Variants in SLC22A2 observed in about 807,000 individuals in gnomAD.
The protein encoded by SLC22A2 is organic cation transporter 2.
Under a neutral mutation model 60.5 loss-of-function variants are expected in SLC22A2, and 46 were observed. The observed-to-expected ratio is 0.76, with a 90% CI of 0.60 to 0.97. The LOEUF (loss-of-function observed/expected upper bound fraction) is 0.97. Ranked by LOEUF, SLC22A2 falls within the 50% of genes least tolerant of loss-of-function variation. SLC22A2 has a pLI of 0.00. For missense variants in SLC22A2, 701 were observed against 706.6 expected, an observed-to-expected ratio of 0.99 and a Z score of 0.09; for synonymous variants, 303 against 267.0, an observed-to-expected ratio of 1.13 and a Z score of -1.31.
intron 9 of SLC22A2, among the ~76,000 whole-genome samples, chr6:160,229,742 T>C (rs1434768787): frequency 2.0e-5 from 3 of 151,598 alleles, no homozygotes; most frequent in African/African-American, 7.3e-5. Flanking sequence ...TCCTCCTTCT[T>C]CTCCCTTAGC....
chr6:160,231,861 T>C (rs905296609), intron 9 of SLC22A2, among the ~76,000 whole-genome samples: 3 of 151,900 alleles, frequency 2.0e-5, no homozygotes, highest in Admixed American at 2.0e-4. Flanking sequence ...CCCTTTTCAT[T>C]ACATACAGCT....
chr6:160,241,443 T>C, intron 9 of SLC22A2, 31 bp downstream of exon 9: 2 of 1,438,980 alleles, frequency 1.4e-6, no homozygotes, highest in East Asian at 2.3e-5. Flanking sequence ...AAATAAGTTT[T>C]CACTTAAAGA....
chr6:160,251,624 C>G (rs961047687), intron 2 of SLC22A2, among the ~76,000 whole-genome samples: 1 of 152,158 alleles, frequency 6.6e-6, no homozygotes, highest in Non-Finnish European at 1.5e-5. Context: ...AAAAGACACC[C>G]TAATCCACTT....
At chr6:160,253,199 T>A (rs1167442724) in intron 2 of SLC22A2, among the ~76,000 whole-genome samples, 2 of 152,222 alleles carry the variant, frequency 1.3e-5, no homozygotes, top group Non-Finnish European at 2.9e-5. Context: ...ATAGGCAGTG[T>A]GCCTGGAATA....
At chr6:160,257,766 T>G (rs562490440) in intron 1 of SLC22A2, 1 of 152,310 alleles carries the variant, frequency 6.6e-6, no homozygotes, top group African/African-American at 2.4e-5. Flanking sequence ...TCTATTATAT[T>G]TATTGGAATC....
chr6:160,257,571 G>C (rs1225880163), intron 1 of SLC22A2, among the ~76,000 whole-genome samples: 1 of 152,042 alleles, frequency 6.6e-6, no homozygotes, highest in Non-Finnish European at 1.5e-5. Context: ...GTAAATATCT[G>C]ACCACTTTAG....
intron 9 of SLC22A2, among the ~76,000 whole-genome samples, chr6:160,233,787 C>T (rs1405013472): frequency 6.6e-6 from 1 of 151,828 alleles, no homozygotes; most frequent in African/African-American, 2.4e-5. Context: ...TCCCACGCTG[C>T]CCCTAATTCC....
intron 4 of SLC22A2, among the ~76,000 whole-genome samples, chr6:160,248,104 C>A (rs567330118): frequency 1.3e-5 from 2 of 152,304 alleles, no homozygotes; most frequent in Admixed American, 6.5e-5. Flanking sequence ...TTTCTGTCCC[C>A]GCTGAAGCGC....
At chr6:160,255,295 T>G (rs1783251811) in intron 2 of SLC22A2, among the ~76,000 whole-genome samples, 3 of 152,244 alleles carry the variant, frequency 2.0e-5, no homozygotes, top group African/African-American at 7.2e-5. Flanking sequence ...CCCTCTTCCC[T>G]TCTGCTGCCA....
intron 9 of SLC22A2, among the ~76,000 whole-genome samples, chr6:160,229,505 G>A (rs1028302208): frequency 4.0e-5 from 6 of 151,776 alleles, no homozygotes; most frequent in Admixed American, 2.0e-4. Context: ...AGTGAATTGC[G>A]GGGGCGCCTG....
At chr6:160,219,102 CAGA>C (rs1782598352) in intron 10 of SLC22A2, among the ~76,000 whole-genome samples, 6 of 3,124 alleles carry the variant, frequency 1.9e-3, no homozygotes, top group Non-Finnish European at 3.9e-3. Context: ...ATAACAGCAA[CAGA>C]AGCAATAACA....
chr6:160,231,083 C>T (rs1475467091), intron 9 of SLC22A2, among the ~76,000 whole-genome samples: 1 of 151,888 alleles, frequency 6.6e-6, no homozygotes, highest in Admixed American at 6.5e-5. Flanking sequence ...AGGCTACCCA[C>T]TCCACATTAC....
At position 160,241,529 on chromosome 6, in the gene SLC22A2, T is replaced by C; in HGVS notation, c.1446A>G (p.Pro482=). ...SMCDIGGIIT[P]FLVYRLTNIW... ...TGTTAGTGAGCCGGTAGACCAGGAA[T>C]GGCGTGATGATGCCACCAATGTCAC... Residue 482 remains proline (P), a synonymous_variant, in exon 9 of 11, where the codon CCA becomes CCG. Coordinates refer to ENST00000366953, the MANE Select transcript of SLC22A2 (RefSeq NM_003058.4). The C allele has an allele frequency of 6.2e-7, 1 of 1,613,816 alleles. No individual in the cohort carries two copies. Among genetic ancestry groups the C allele is most frequent in the Non-Finnish European group, 8.5e-7 (1 of 1,179,800 alleles).
intron 3 of SLC22A2, 62 bp downstream of exon 3, chr6:160,250,486 C>T: frequency 6.4e-7 from 1 of 1,555,066 alleles, no homozygotes; most frequent in South Asian, 1.1e-5. Context: ...CGCCCCCCAC[C>T]TGACTCTATT....
intron 8 of SLC22A2, 40 bp downstream of exon 8, chr6:160,242,254 G>A: frequency 9.3e-7 from 1 of 1,072,802 alleles, no homozygotes; most frequent in South Asian, 1.2e-5. Flanking sequence ...ATGAACAAAT[G>A]TCTCACCCAC....
intron 9 of SLC22A2, among the ~76,000 whole-genome samples, chr6:160,234,130 C>A (rs1358446437): frequency 1.3e-5 from 2 of 151,844 alleles, no homozygotes; most frequent in African/African-American, 4.8e-5. Flanking sequence ...GTGACCCCCG[C>A]CCCTGCCTGC....
chr6:160,223,462 C>G (rs975705049), intron 10 of SLC22A2, among the ~76,000 whole-genome samples: 2 of 152,130 alleles, frequency 1.3e-5, no homozygotes, highest in Admixed American at 1.3e-4. Context: ...GCTTTTTCCC[C>G]CATTAGCAAT....
At chr6:160,255,262 G>A (rs1340435552) in intron 2 of SLC22A2, among the ~76,000 whole-genome samples, 2 of 136,482 alleles carry the variant, frequency 1.5e-5, no homozygotes, top group African/African-American at 2.6e-5. Flanking sequence ...TGAGGTGCAC[G>A]TGGCCTGTGC....
At chr6:160,231,722 C>T (rs1235952365) in intron 9 of SLC22A2, among the ~76,000 whole-genome samples, 1 of 151,848 alleles carries the variant, frequency 6.6e-6, no homozygotes, top group Non-Finnish European at 1.5e-5. Flanking sequence ...CCCTCCACAA[C>T]CCATTATTCT....
Sources: gnomAD v4.1 joint callset for allele counts (sites outside exome capture counted in the v4.1 genomes callset) on GRCh38, gnomAD v4.1.1 for gene constraint, MANE v1.5 for transcripts, NCBI Gene and HGNC (gene_info 2026-07-23, HGNC 2026-07-21) for gene names.